The following ZFHX3 variants were observed in gnomAD, a reference collection of about 807,000 sequenced individuals.
ZFHX3 encodes the protein zinc finger homeobox protein 3.
ZFHX3 carries 42 observed loss-of-function variants against 279.1 expected under a neutral mutation model. The observed-to-expected ratio is 0.15, with a 90% CI of 0.12 to 0.19. The LOEUF (loss-of-function observed/expected upper bound fraction) is 0.19, where lower values mean the gene tolerates loss of function less well. ZFHX3 is among the 10% of genes least tolerant of loss of function. The pLI, the probability that ZFHX3 is intolerant of heterozygous loss-of-function variation, is 1.00. For synonymous variants in ZFHX3, 2,293 were observed against 1,957.8 expected, an observed-to-expected ratio of 1.17 and a Z score of -4.52; for missense variants, 4,981 against 4,754.0, an observed-to-expected ratio of 1.05 and a Z score of -1.40.
intron 1 of ZFHX3, among the ~76,000 whole-genome samples, chr16:73,785,868 C>G (rs1021623043): frequency 1.3e-5 from 2 of 151,966 alleles, no homozygotes; most frequent in African/African-American, 4.8e-5. Flanking sequence ...CATTTCTAAT[C>G]TTGAATGATT....
At chr16:73,141,970 T>C (rs1364785895) in intron 6 of ZFHX3, among the ~76,000 whole-genome samples, 1 of 152,206 alleles carries the variant, frequency 6.6e-6, no homozygotes, top group Non-Finnish European at 1.5e-5. Flanking sequence ...TTCTTGCAGA[T>C]GCTCTTTCAA....
chr16:73,738,793 C>G (rs901437271), intron 1 of ZFHX3, among the ~76,000 whole-genome samples: 5 of 152,162 alleles, frequency 3.3e-5, no homozygotes, highest in Non-Finnish European at 5.9e-5. Flanking sequence ...ATTCCTGCCC[C>G]CTTCTCTACA....
chr16:73,259,193 AAC>A (rs1463168337), intron 4 of ZFHX3, among the ~76,000 whole-genome samples: 1 of 152,194 alleles, frequency 6.6e-6, no homozygotes, highest in African/African-American at 2.4e-5. Context: ...TTCCCTAGGA[AAC>A]ACAGCTAGAT....
intron 3 of ZFHX3, among the ~76,000 whole-genome samples, chr16:73,424,565 C>T: frequency 6.6e-6 from 1 of 151,820 alleles, no homozygotes; most frequent in East Asian, 1.9e-4. Context: ...GGCAACGTAG[C>T]AAGACCCTGT....
intron 5 of ZFHX3, among the ~76,000 whole-genome samples, chr16:73,246,320 A>G (rs2013277907): frequency 6.6e-6 from 1 of 152,036 alleles, no homozygotes; most frequent in Non-Finnish European, 1.5e-5. Flanking sequence ...AGCTTGGGAG[A>G]ATGAGGCTTG....
At chr16:73,339,128 A>G (rs1157627560) in intron 3 of ZFHX3, among the ~76,000 whole-genome samples, 1 of 152,176 alleles carries the variant, frequency 6.6e-6, no homozygotes, top group Non-Finnish European at 1.5e-5. Flanking sequence ...TAGCAATGTG[A>G]GAATGGACCA....
At chr16:73,075,518 C>T (rs1303854857) in intron 8 of ZFHX3, among the ~76,000 whole-genome samples, 1 of 152,084 alleles carries the variant, frequency 6.6e-6, no homozygotes, top group Non-Finnish European at 1.5e-5. Flanking sequence ...ACAGACTCAC[C>T]TTACACGCAA....
At chr16:73,692,261 G>A (rs1381693193) in intron 1 of ZFHX3, among the ~76,000 whole-genome samples, 5 of 152,144 alleles carry the variant, frequency 3.3e-5, no homozygotes, top group African/African-American at 9.7e-5. Context: ...ACAGGAGGTA[G>A]GAAGTCTCTC....
At chr16:72,897,351 T>C (rs181176693) in intron 3 of ZFHX3, among the ~76,000 whole-genome samples, 138 of 152,294 alleles carry the variant, frequency 9.1e-4, no homozygotes, top group African/African-American at 3.0e-3. Context: ...CTCAACTTGA[T>C]AAGATGAAGT....
At chr16:72,888,144 G>A (rs2038677391) in intron 4 of ZFHX3, among the ~76,000 whole-genome samples, 1 of 152,162 alleles carries the variant, frequency 6.6e-6, no homozygotes, top group African/African-American at 2.4e-5. Context: ...CTGGAAAAGG[G>A]GGTGGGAGAG....
At chr16:73,760,664 T>C (rs2053854532) in intron 1 of ZFHX3, among the ~76,000 whole-genome samples, 1 of 152,186 alleles carries the variant, frequency 6.6e-6, no homozygotes, top group Non-Finnish European at 1.5e-5. Flanking sequence ...GCAAGGCTGG[T>C]TCAAGATATG....
intron 1 of ZFHX3, among the ~76,000 whole-genome samples, chr16:73,780,914 G>T (rs1306671587): frequency 1.3e-5 from 2 of 152,172 alleles, no homozygotes; most frequent in Non-Finnish European, 2.9e-5. Flanking sequence ...ATACCTATTT[G>T]CTATTTACAG....
Position 73,235,583 on chromosome 16 carries a change from G to A in ZFHX3, c.-1104+21464C>T, listed in dbSNP as rs115888608. On this transcript the variant is annotated intron_variant, in intron 5 of 17. Transcript: ENST00000641206. ...AGGCACTCGGCTCTGGTCACCTGAT[G>A]TATGGGGGAATAAAAGTTGTGCCAT... Among the ~76,000 whole-genome samples, 1,070 of 152,328 alleles carry A rather than the reference G, an allele frequency of 7.0e-3. 15 individuals are homozygous for A. Among genetic ancestry groups the A allele is most frequent in the African/African-American group, 0.024 (1,012 of 41,566 alleles).
intron 3 of ZFHX3, among the ~76,000 whole-genome samples, chr16:73,391,967 C>T (rs909150322): frequency 5.9e-5 from 9 of 152,218 alleles, no homozygotes; most frequent in African/African-American, 2.2e-4. Context: ...CTACATGGCT[C>T]AGCTAGGCTA....
intron 3 of ZFHX3, among the ~76,000 whole-genome samples, chr16:73,408,109 GTT>G (rs397718193): frequency 2.1e-5 from 3 of 141,760 alleles, no homozygotes; most frequent in Non-Finnish European, 1.5e-5. Context: ...TGTGAAACTT[GTT>G]TTTTTTTTTT....
At chr16:73,603,021 C>CA (rs1567530722) in intron 2 of ZFHX3, among the ~76,000 whole-genome samples, 1 of 151,072 alleles carries the variant, frequency 6.6e-6, no homozygotes, top group African/African-American at 2.4e-5. Context: ...CGCGGTGACT[C>CA]ACGCTTGTAA....
chr16:73,773,553 A>C (rs2054044107), intron 1 of ZFHX3, among the ~76,000 whole-genome samples: 1 of 152,180 alleles, frequency 6.6e-6, no homozygotes, highest in South Asian at 2.1e-4. Context: ...AACAATTAAC[A>C]AGTATCTACA....
chr16:73,314,504 C>T lies in ZFHX3; in HGVS notation c.-1194+3736G>A, dbSNP rs144246597. The stretch of plus-strand genomic sequence containing the variant: ...TCACATGACTAATAAATGGCAGAGC[C>T]GGGATGGAAACTCCAACCACTGGGC... On this transcript the variant is annotated intron_variant, in intron 4 of 17. Transcript: ENST00000641206. Among the ~76,000 whole-genome samples, 70 of 152,294 alleles carry T rather than the reference C, an allele frequency of 4.6e-4. No homozygotes were observed. In the East Asian group the frequency reaches 6.8e-3, roughly 15 times the overall value.
At chr16:73,310,634 A>T (rs1025629580) in intron 4 of ZFHX3, among the ~76,000 whole-genome samples, 1 of 152,234 alleles carries the variant, frequency 6.6e-6, no homozygotes, top group Non-Finnish European at 1.5e-5. Flanking sequence ...CCTCACAACA[A>T]CGAATTATCC....
Sources: allele counts gnomAD v4.1 joint callset (sites outside exome capture counted in the v4.1 genomes callset), GRCh38; gene constraint gnomAD v4.1.1; transcripts MANE v1.5; gene names NCBI Gene and HGNC (gene_info 2026-07-23, HGNC 2026-07-21).